RP1: variants seen among roughly 807,000 people sequenced by gnomAD.
The protein encoded by RP1 is RP1 axonemal microtubule associated.
RP1 carries 16 observed loss-of-function variants against 14.8 expected under a neutral mutation model. That is an observed-to-expected ratio of 1.08 (90% CI 0.73 to 1.65). The LOEUF (loss-of-function observed/expected upper bound fraction) is 1.65, where lower values mean the gene tolerates loss of function less well. Among genes scored for constraint, RP1 ranks in the 40% most tolerant of loss-of-function variants. The pLI is 0.00. For synonymous variants in RP1, 876 were observed against 883.6 expected, an observed-to-expected ratio of 0.99 and a Z score of 0.15; for missense variants, 2,631 against 2,535.0, an observed-to-expected ratio of 1.04 and a Z score of -0.81.
chr8:54,696,868 A>T, intron 12 of RP1: 1 of 766,974 alleles, frequency 1.3e-6, no homozygotes, highest in Non-Finnish European at 2.3e-6. Context: ...AATGTGGACA[A>T]GCCAAGGTCA....
chr8:54,835,059 T>C (rs142834900), intron 24 of RP1, among the ~76,000 whole-genome samples: 9 of 152,274 alleles, frequency 5.9e-5, no homozygotes, highest in Non-Finnish European at 7.4e-5. Flanking sequence ...TTCATGTGGG[T>C]TTAGGGTATC....
intron 18 of RP1, among the ~76,000 whole-genome samples, chr8:54,735,009 T>C (rs1033234559): frequency 1.3e-5 from 2 of 152,170 alleles, no homozygotes; most frequent in Non-Finnish European, 2.9e-5. Context: ...ACTGGCCCTA[T>C]AAACTGTCAA....
intron 1 of RP1, among the ~76,000 whole-genome samples, chr8:54,605,626 G>C (rs1290306121): frequency 6.6e-6 from 1 of 152,104 alleles, no homozygotes; most frequent in Admixed American, 6.5e-5. Context: ...TCTGTCTAAT[G>C]CTGACAGTGG....
intron 1 of RP1, among the ~76,000 whole-genome samples, chr8:54,607,203 G>A (rs184958004): frequency 8.7e-4 from 133 of 152,258 alleles, no homozygotes; most frequent in Non-Finnish European, 1.4e-3. Context: ...TGATAATGGT[G>A]ACAAACAGAT....
At chr8:54,655,766 C>G (rs1364478991) in intron 5 of RP1, among the ~76,000 whole-genome samples, 1 of 151,920 alleles carries the variant, frequency 6.6e-6, no homozygotes, top group Admixed American at 6.6e-5. Context: ...GTCTGTAGTC[C>G]CAGCTACTCA....
At chr8:54,823,765 A>G (rs2129397680) in intron 24 of RP1, among the ~76,000 whole-genome samples, 1 of 152,316 alleles carries the variant, frequency 6.6e-6, no homozygotes, top group South Asian at 2.1e-4. Flanking sequence ...TAAAATAAAT[A>G]TGTATGAGAC....
At chr8:54,564,719 A>G (rs1020247909) in intron 1 of RP1, among the ~76,000 whole-genome samples, 2 of 152,158 alleles carry the variant, frequency 1.3e-5, no homozygotes, top group African/African-American at 4.8e-5. Context: ...GAGCAAGCCA[A>G]TTTTATTGGA....
At chr8:54,607,449 C>A (rs1043332752) in intron 1 of RP1, among the ~76,000 whole-genome samples, 3 of 152,166 alleles carry the variant, frequency 2.0e-5, no homozygotes, top group African/African-American at 7.2e-5. Flanking sequence ...TGTCAGTCTG[C>A]CCCTACTGGG....
intron 22 of RP1, among the ~76,000 whole-genome samples, chr8:54,768,159 CTG>C (rs2129373451): frequency 6.6e-6 from 1 of 152,346 alleles, no homozygotes; most frequent in African/African-American, 2.4e-5. Context: ...TCATTGGACT[CTG>C]TACCTTTGCC....
downstream of RP1, among the ~76,000 whole-genome samples, chr8:54,773,171 C>T (rs1222196765): frequency 6.6e-6 from 1 of 152,116 alleles, no homozygotes. Context: ...CTCACCTTCT[C>T]GTTTGCTGAG....
chr8:54,698,894 G>T (rs899342808), intron 12 of RP1, among the ~76,000 whole-genome samples: 1 of 151,948 alleles, frequency 6.6e-6, no homozygotes, highest in African/African-American at 2.4e-5. Flanking sequence ...ATCGGGGGTT[G>T]GGGTCCTGGG....
chr8:54,611,913 C>T (rs1805606465), upstream of RP1, among the ~76,000 whole-genome samples: 1 of 142,224 alleles, frequency 7.0e-6, no homozygotes, highest in African/African-American at 2.6e-5. Context: ...TCCTTCCTTC[C>T]TATTCCCCCC....
upstream of RP1, among the ~76,000 whole-genome samples, chr8:54,612,883 C>T (rs575319513): frequency 3.3e-5 from 5 of 152,318 alleles, no homozygotes; most frequent in Admixed American, 2.0e-4. Context: ...TAGATTTCTT[C>T]TCACGTCACT....
chr8:54,812,760 A>G (rs183886392), intron 24 of RP1, among the ~76,000 whole-genome samples: 1,517 of 138,204 alleles, frequency 0.011, 12 homozygotes, highest in South Asian at 0.023. Context: ...GTATCTATCT[A>G]TCATCTATCT....
chr8:54,753,682 T>C (rs1248463591), intron 19 of RP1, among the ~76,000 whole-genome samples: 1 of 152,088 alleles, frequency 6.6e-6, no homozygotes, highest in Non-Finnish European at 1.5e-5. Flanking sequence ...GACCCAACCA[T>C]GAACTGCTCA....
chr8:54,675,251 GACA>G (rs1807268153), intron 8 of RP1, among the ~76,000 whole-genome samples: 2 of 152,010 alleles, frequency 1.3e-5, no homozygotes, highest in African/African-American at 4.8e-5. Context: ...TAAAATTCAA[GACA>G]ACAAGCATTA....
chr8:54,714,703 C>A (rs1453216430), intron 15 of RP1, among the ~76,000 whole-genome samples: 1 of 152,186 alleles, frequency 6.6e-6, no homozygotes, highest in East Asian at 1.9e-4. Flanking sequence ...TCCCATTTAG[C>A]CTGCTCTGCA....
chr8:54,650,879 C>T (rs1374952008), intron 4 of RP1, among the ~76,000 whole-genome samples: 3 of 151,858 alleles, frequency 2.0e-5, no homozygotes, highest in Admixed American at 1.3e-4. Context: ...TCATCTTTTG[C>T]CATTGAGTAG....
chr8:54,637,937 TC>T (rs1436151670), intron 3 of RP1, among the ~76,000 whole-genome samples: 1 of 152,156 alleles, frequency 6.6e-6, no homozygotes, highest in Non-Finnish European at 1.5e-5. Context: ...TTGAAGGCAT[TC>T]CTTGGGGAAG....
Sources: gnomAD v4.1 joint callset for allele counts (sites outside exome capture counted in the v4.1 genomes callset) on GRCh38, gnomAD v4.1.1 for gene constraint, MANE v1.5 for transcripts, NCBI Gene and HGNC (gene_info 2026-07-23, HGNC 2026-07-21) for gene names.